WWOX: variants seen among roughly 807,000 people sequenced by gnomAD.
WWOX encodes the protein WW domain-containing oxidoreductase.
In WWOX, 69 loss-of-function variants were observed where a neutral mutation model predicts 46.2. The ratio of observed to expected loss-of-function variants is 1.49; its 90% CI spans 1.23 to 1.82. The LOEUF is 1.82. Among genes scored for constraint, WWOX ranks in the 40% most tolerant of loss-of-function variants. The pLI, the probability that WWOX is intolerant of heterozygous loss-of-function variation, is 0.00. For synonymous variants in WWOX, 359 were observed against 202.6 expected (o/e 1.77, Z -6.56); for missense variants, 919 against 542.6 (o/e 1.69, Z -6.89).
At chr16:78,388,345 G>A (rs910500791) in intron 6 of WWOX, among the ~76,000 whole-genome samples, 2 of 152,060 alleles carry the variant, frequency 1.3e-5, no homozygotes, top group Admixed American at 6.6e-5. Flanking sequence ...TACTTTATTA[G>A]ATTTAAAAAG....
At chr16:78,913,271 C>T (rs749633035) in intron 8 of WWOX, among the ~76,000 whole-genome samples, 10 of 151,998 alleles carry the variant, frequency 6.6e-5, no homozygotes, top group Non-Finnish European at 1.5e-4. Flanking sequence ...GGCCCCAAGA[C>T]ATCAGCAAGC....
At chr16:78,453,566 G>A (rs1188630286) in intron 8 of WWOX, among the ~76,000 whole-genome samples, 1 of 152,184 alleles carries the variant, frequency 6.6e-6, no homozygotes, top group Non-Finnish European at 1.5e-5. Context: ...GTGCAGACAG[G>A]CATATGCAGT....
At chr16:78,117,739 A>T (rs1345841329) in intron 4 of WWOX, among the ~76,000 whole-genome samples, 2 of 152,168 alleles carry the variant, frequency 1.3e-5, no homozygotes, top group Admixed American at 1.3e-4. Flanking sequence ...GAGTGAGTGA[A>T]TTGGGCATCT....
chr16:78,404,259 A>G (rs1304052698), intron 6 of WWOX, among the ~76,000 whole-genome samples: 3 of 152,090 alleles, frequency 2.0e-5, no homozygotes, highest in Non-Finnish European at 4.4e-5. Flanking sequence ...ATGCTGGGAG[A>G]TTTCACCAGT....
At chr16:78,312,163 G>T (rs77064460) in intron 5 of WWOX, among the ~76,000 whole-genome samples, 1 of 152,186 alleles carries the variant, frequency 6.6e-6, no homozygotes, top group East Asian at 1.9e-4. Flanking sequence ...GCTATCAAGG[G>T]TCACTTTAAG....
chr16:78,430,512 G>C (rs74030228), intron 7 of WWOX, among the ~76,000 whole-genome samples: 1,767 of 152,118 alleles, frequency 0.012, 29 homozygotes, highest in African/African-American at 0.04. Flanking sequence ...ATTCTTCATT[G>C]AGCAATACAT....
At chr16:78,278,645 A>G in intron 5 of WWOX, 3 of 1,610,824 alleles carry the variant, frequency 1.9e-6, no homozygotes, top group Middle Eastern at 1.7e-4. Context: ...CAGAATAAAA[A>G]TTTTCCACTA....
At chr16:78,407,184 G>A (rs900282311) in intron 6 of WWOX, among the ~76,000 whole-genome samples, 2 of 152,130 alleles carry the variant, frequency 1.3e-5, no homozygotes, top group Non-Finnish European at 1.5e-5. Flanking sequence ...CCTTTTCTGG[G>A]AGGAAAGACA....
chr16:78,732,133 G>T (rs2048984765), intron 8 of WWOX, among the ~76,000 whole-genome samples: 1 of 152,038 alleles, frequency 6.6e-6, no homozygotes, highest in Non-Finnish European at 1.5e-5. Context: ...AAAAGTGCTG[G>T]GATTACAGGT....
At chr16:78,174,162 C>T (rs896477099) in intron 5 of WWOX, among the ~76,000 whole-genome samples, 13 of 152,162 alleles carry the variant, frequency 8.5e-5, no homozygotes, top group South Asian at 2.1e-4. Context: ...GACACACCCA[C>T]GACTGGGAAG....
At chr16:78,530,855 GATA>G (rs1337842914) in intron 8 of WWOX, among the ~76,000 whole-genome samples, 9 of 152,128 alleles carry the variant, frequency 5.9e-5, no homozygotes, top group African/African-American at 2.2e-4. Flanking sequence ...ATTGAGTGTG[GATA>G]ATAATCCAGG....
chr16:78,857,998 T>C (rs2052606041), intron 8 of WWOX, among the ~76,000 whole-genome samples: 3 of 152,196 alleles, frequency 2.0e-5, no homozygotes, highest in Admixed American at 2.0e-4. Flanking sequence ...CATATTTATT[T>C]AGTTATTTGA....
chr16:78,238,734 C>T (rs999992279), intron 5 of WWOX, among the ~76,000 whole-genome samples: 6 of 151,598 alleles, frequency 4.0e-5, no homozygotes, highest in African/African-American at 4.8e-5. Context: ...ATTCTCCTGC[C>T]GCAGCCTCCC....
In WWOX at chr16:79,020,744, C is replaced by G. The variant is rs181801189; in HGVS notation, c.1057-190864C>G. ...GATGCAAGGGGAAGGGTGTTGATGT[C>G]AACACGCATGCAGCTTCCCACACGT... On this transcript the variant is annotated intron_variant, in intron 8 of 8. Coordinates refer to ENST00000566780, the MANE Select transcript of WWOX (RefSeq NM_016373.4). Among the ~76,000 whole-genome samples the G allele has an allele frequency of 3.9e-4, 59 of 152,260 alleles. No individual in the cohort carries two copies. In the Middle Eastern group the frequency reaches 0.01, roughly 26 times the overall value.
chr16:79,085,755 G>A (rs1282220865), intron 8 of WWOX, among the ~76,000 whole-genome samples: 1 of 152,102 alleles, frequency 6.6e-6, no homozygotes, highest in African/African-American at 2.4e-5. Flanking sequence ...TAGCAGAAAT[G>A]TAGTCAGTAG....
At chr16:78,914,485 G>T (rs1372305653) in intron 8 of WWOX, among the ~76,000 whole-genome samples, 2 of 152,124 alleles carry the variant, frequency 1.3e-5, no homozygotes, top group Non-Finnish European at 1.5e-5. Flanking sequence ...TAATGCAGAA[G>T]ATTTCTTATG....
chr16:78,885,286 C>G (rs1192301764), intron 8 of WWOX, among the ~76,000 whole-genome samples: 1 of 144,902 alleles, frequency 6.9e-6, no homozygotes, highest in Non-Finnish European at 1.5e-5. Flanking sequence ...TCTGTATTTT[C>G]TTTACTAAAT....
At chr16:78,724,337 G>A (rs994941777) in intron 8 of WWOX, among the ~76,000 whole-genome samples, 4 of 152,116 alleles carry the variant, frequency 2.6e-5, no homozygotes, top group African/African-American at 9.7e-5. Flanking sequence ...AAAAGAGACA[G>A]TTTTCATTGA....
intron 5 of WWOX, among the ~76,000 whole-genome samples, chr16:78,334,273 G>C (rs1051462166): frequency 1.3e-5 from 2 of 152,164 alleles, no homozygotes; most frequent in Non-Finnish European, 2.9e-5. Flanking sequence ...GTGAATACGG[G>C]CTCTCACCCT....
Sources: allele counts gnomAD v4.1 joint callset (sites outside exome capture counted in the v4.1 genomes callset), GRCh38; gene constraint gnomAD v4.1.1; transcripts MANE v1.5; gene names NCBI Gene and HGNC (gene_info 2026-07-23, HGNC 2026-07-21).